Variants in LTB4R2 observed in about 807,000 individuals in gnomAD.
The protein encoded by LTB4R2 is leukotriene B4 receptor 2, also known as LTB4 receptor JULF2.
In LTB4R2, 6 loss-of-function variants were observed where a neutral mutation model predicts 5.3. The ratio of observed to expected loss-of-function variants is 1.14; its 90% CI spans 0.62 to 2.24. The LOEUF (loss-of-function observed/expected upper bound fraction) is 2.24, where lower values mean the gene tolerates loss of function less well. LTB4R2 is among the 30% of genes most tolerant of loss of function. LTB4R2 has a pLI of 0.00. For missense variants in LTB4R2, 560 were observed against 521.5 expected (o/e 1.07, Z -0.72); for synonymous variants, 310 against 264.2 (o/e 1.17, Z -1.68).
In LTB4R2 at chr14:24,311,659, A is replaced by G. The variant is rs143666989; in HGVS notation, c.995A>G (p.Gln332Arg). 1.7e-3 allele frequency: 2,803 copies of G among 1,612,696 alleles called. 21 individuals carry two copies. The highest frequency in any genetic ancestry group is 1.2e-3 in the Non-Finnish European group (1,421 of 1,179,270). The change falls in exon 2 of 2, where the codon CAG (glutamine) becomes CGG (arginine). Residue 332 changes from glutamine to arginine, a missense_variant. Coordinates refer to ENST00000533293, the MANE Select transcript of LTB4R2 (RefSeq NM_019839.5). ...ACCATGGAGCTCCGAACTACCCCTC[A>G]GCTGAAAGTGGTGGGGCAGGGCCGC... is the stretch of plus-strand genomic sequence containing the variant. ...EGTMELRTTP[Q>R]LKVVGQGRGN...
rs367937742 is a variant in LTB4R2 at position 24,311,238 on chromosome 14, C to T, written c.574C>T (p.Leu192Phe). Residue 192 changes from leucine to phenylalanine, a missense_variant, in exon 2 of 2, where the codon CTT (leucine) becomes TTT (phenylalanine). Transcript: ENST00000533293. ...CCTGGAGACTCTGACCGCTTTCGTG[C>T]TTCCTTTCGGGCTGATGCTCGGCTG... ...LSLETLTAFV[L>F]PFGLMLGCYS... 39 of 1,608,440 alleles carry T rather than the reference C, an allele frequency of 2.4e-5. No homozygotes were observed. Among genetic ancestry groups the T allele is most frequent in the Non-Finnish European group, 3.3e-5 (39 of 1,177,862 alleles).
In LTB4R2 at chr14:24,311,338, T is replaced by C. The variant is rs1485953234; in HGVS notation, c.674T>C (p.Leu225Pro). Residue 225 changes from leucine to proline, a missense_variant, in exon 2 of 2, where the codon CTG (leucine) becomes CCG (proline). Physicochemically the swap from Leu to Pro is moderately conservative, Grantham distance 98 (BLOSUM62 -3). Coordinates refer to ENST00000533293, the MANE Select transcript of LTB4R2 (RefSeq NM_019839.5). ...CGGCACGGGGCGCGGGTGGGCCGGC[T>C]GGTGAGCGCCATCGTGCTTGCCTTC... ...SGRHGARVGR[L>P]VSAIVLAFGL... 6 of 1,604,174 alleles carry C rather than the reference T, an allele frequency of 3.7e-6. No individual in the cohort carries two copies. The African/African-American group carries it at 8.0e-5, about 21-fold the overall frequency.
chr14:24,311,156 G>A lies in LTB4R2; in HGVS notation c.492G>A (p.Arg164=). The change falls in exon 2 of 2, where the codon AGG becomes AGA. Residue 164 remains arginine (R), a synonymous_variant. Transcript: ENST00000533293. Reference sequence around the variant, plus strand: ...CCGCCGTCTACCGCCACCTGTGGAGGGACCGCGTATGCCAGCTGTGCCACC... The same window carrying A: ...CCGCCGTCTACCGCCACCTGTGGAGAGACCGCGTATGCCAGCTGTGCCACC... The part of the protein sequence containing the change: ...VPAAVYRHLW[R]DRVCQLCHPS... 6.2e-7 allele frequency: 1 copy of A among 1,602,786 alleles called. No homozygotes were observed. Among genetic ancestry groups the A allele is most frequent in the Non-Finnish European group, 8.5e-7 (1 of 1,176,534 alleles).
Position 24,311,842 on chromosome 14 carries a change from T to G in LTB4R2, c.*101T>G. 9.0e-7 allele frequency: 1 copy of G among 1,110,686 alleles called. No homozygotes were observed. The allele number at this position is 1,110,686 out of a possible 1,614,324, so 68.8% of individuals were successfully genotyped here. A position where few individuals can be genotyped will look rare whatever the true frequency, so the allele number is the denominator to read the frequency against. On this transcript the variant is annotated 3_prime_UTR_variant, in exon 2 of 2. Coordinates refer to ENST00000533293, the MANE Select transcript of LTB4R2 (RefSeq NM_019839.5). ...GGACATTTGGGGACCCTTCTTTGAC[T>G]AGAGTTTGGATCTGGCTGGGTAGGA...
chr14:24,310,425 A>C (rs1473871933), intron 1 of LTB4R2, 170 bp downstream of exon 1: 2 of 658,484 alleles, frequency 3.0e-6, no homozygotes, highest in Non-Finnish European at 5.5e-6. Flanking sequence ...TCTGGGAAGG[A>C]GGCCAGGAGT....
In LTB4R2 at chr14:24,311,445, A is replaced by C. The variant is rs776083888; in HGVS notation, c.781A>C (p.Lys261Gln). The change falls in exon 2 of 2, where the codon AAG becomes CAG. Residue 261 changes from lysine to glutamine, a missense_variant. Physicochemically the swap from Lys to Gln is moderately conservative, Grantham distance 53. Transcript: ENST00000533293. ...ALAPPEGALA[K>Q]LGGAGQAARA... Reference sequence around the variant, plus strand: ...GGCTCCACCGGAAGGGGCCTTGGCGAAGCTGGGCGGAGCCGGCCAGGCGGC... The same window carrying C: ...GGCTCCACCGGAAGGGGCCTTGGCGCAGCTGGGCGGAGCCGGCCAGGCGGC... 31 of 1,601,174 alleles carry C rather than the reference A, an allele frequency of 1.9e-5. No homozygotes were observed. Among genetic ancestry groups the C allele is most frequent in the Non-Finnish European group, 8.5e-7 (1 of 1,179,844 alleles).
rs115630307 is a variant in LTB4R2 at position 24,310,727 on chromosome 14, C to T, written c.63C>T (p.Ala21=). The T allele has an allele frequency of 6.6e-4, 1,065 of 1,612,692 alleles. 5 individuals are homozygous for T. In the African/African-American group the frequency reaches 0.013, roughly 19 times the overall value. The change falls in exon 2 of 2, where the codon GCC becomes GCT. Residue 21 remains alanine (A), a synonymous_variant. Coordinates refer to ENST00000533293, the MANE Select transcript of LTB4R2 (RefSeq NM_019839.5). ...ETLLSWKTSR[A]TGTAFLLLAA... is the part of the protein sequence containing the mutation. ...TGCTGAGCTGGAAGACTTCGCGGGCCACAGGCACAGCCTTCCTGCTGCTGG... is the reference window on the plus strand; with the variant it reads ...TGCTGAGCTGGAAGACTTCGCGGGCTACAGGCACAGCCTTCCTGCTGCTGG...
At position 24,310,939 on chromosome 14, in the gene LTB4R2, C is replaced by A; in HGVS notation, c.275C>A (p.Ala92Glu). 1 of 1,590,980 alleles carries A rather than the reference C, an allele frequency of 6.3e-7. No individual in the cohort carries two copies. ...CGGCAGGCCTGGCCGCTGGGCCAGG[C>A]GGGCTGCAAGGCGGTGTACTACGTG... ...LTRQAWPLGQ[A>E]GCKAVYYVCA... Residue 92 changes from alanine (A) to glutamate (E), a missense_variant, in exon 2 of 2, where the codon GCG becomes GAG. Coordinates refer to ENST00000533293, the MANE Select transcript of LTB4R2 (RefSeq NM_019839.5).
rs2041719879 is a variant in LTB4R2 at position 24,312,029 on chromosome 14, G to A, written c.*288G>A. 1 of 413,972 alleles carries A rather than the reference G, an allele frequency of 2.4e-6. No homozygotes were observed. The highest frequency in any genetic ancestry group is 4.5e-6 in the Non-Finnish European group (1 of 223,768). The allele number at this position is 413,972 out of a possible 1,614,324, so 25.6% of individuals were successfully genotyped here. ...TAGCTGTTATTGTGAAATACACTGG[G>A]AAGCCATTAGATGATGACTTAAGTG... is the stretch of plus-strand genomic sequence containing the variant. On this transcript the variant is annotated 3_prime_UTR_variant, in exon 2 of 2. Transcript: ENST00000533293.
In LTB4R2 at chr14:24,311,538, G is replaced by T. The variant is rs764332206; in HGVS notation, c.874G>T (p.Ala292Ser). Residue 292 changes from alanine to serine, a missense_variant, in exon 2 of 2, where the codon GCT becomes TCT. Transcript: ENST00000533293. Reference sequence around the variant, plus strand: ...CAACCCGGTGCTCTACGTCTTCACCGCTGGAGATCTGCTGCCCCGGGCAGG... The same window carrying T: ...CAACCCGGTGCTCTACGTCTTCACCTCTGGAGATCTGCTGCCCCGGGCAGG... Reference protein sequence around the residue: ...SVNPVLYVFTAGDLLPRAGPR... With the variant: ...SVNPVLYVFTSGDLLPRAGPR... 2.5e-6 allele frequency: 4 copies of T among 1,605,752 alleles called. No homozygotes were observed. The highest frequency in any genetic ancestry group is 3.4e-6 in the Non-Finnish European group (4 of 1,180,002).
In LTB4R2 at chr14:24,310,982, C is replaced by T. The variant is rs1208752509; in HGVS notation, c.318C>T (p.Tyr106=). The part of the protein sequence containing the change: ...AVYYVCALSM[Y]ASVLLTGLLS... ...ACTACGTGTGCGCGCTCAGCATGTA[C>T]GCCAGCGTGCTGCTCACCGGCCTGC... The change falls in exon 2 of 2, where the codon TAC becomes TAT. Residue 106 remains tyrosine (Y), a synonymous_variant. Coordinates refer to ENST00000533293, the MANE Select transcript of LTB4R2 (RefSeq NM_019839.5). 3 of 1,590,306 alleles carry T rather than the reference C, an allele frequency of 1.9e-6. No individual in the cohort carries two copies. Among genetic ancestry groups the T allele is most frequent in the Non-Finnish European group, 2.5e-6 (3 of 1,176,552 alleles).
intron 1 of LTB4R2, 32 bp from the exon 2 acceptor site, chr14:24,310,623 C>A (rs1210367600): frequency 1.2e-6 from 2 of 1,604,580 alleles, no homozygotes; most frequent in East Asian, 2.2e-5. Context: ...CACCCCTGAA[C>A]GCCCTCTGTG....
Position 24,311,086 on chromosome 14 carries a change from T to C in LTB4R2, c.422T>C (p.Leu141Pro). The C allele has an allele frequency of 1.9e-6, 3 of 1,562,278 alleles. No individual in the cohort carries two copies. The African/African-American group carries it at 4.2e-5, about 22-fold the overall frequency. Residue 141 changes from leucine to proline, a missense_variant, in exon 2 of 2, where the codon CTG (leucine) becomes CCG (proline). Coordinates refer to ENST00000533293, the MANE Select transcript of LTB4R2 (RefSeq NM_019839.5). ...RLRSPALARR[L>P]LLAVWLAALL... Reference sequence around the variant, plus strand: ...CGCAGCCCGGCCCTGGCCCGCCGCCTGCTGCTGGCGGTCTGGCTGGCCGCC... The same window carrying C: ...CGCAGCCCGGCCCTGGCCCGCCGCCCGCTGCTGGCGGTCTGGCTGGCCGCC...
rs1043647943 is a variant in LTB4R2 at position 24,311,913 on chromosome 14, T to C, written c.*172T>C. On this transcript the variant is annotated 3_prime_UTR_variant, in exon 2 of 2. Coordinates refer to ENST00000533293, the MANE Select transcript of LTB4R2 (RefSeq NM_019839.5). ...GCCCAGGCTCCTCCAAACTGAGGGA[T>C]TATGAGGGTGGTGATGGTCCCTGTT... The C allele has an allele frequency of 1.6e-6, 1 of 638,688 alleles. No individual in the cohort carries two copies. The highest frequency in any genetic ancestry group is 2.7e-6 in the Non-Finnish European group (1 of 368,354). 39.6% of individuals were successfully genotyped at this position (638,688 alleles called of 1,614,324 possible). A position where few individuals can be genotyped will look rare whatever the true frequency, so the allele number is the denominator to read the frequency against.
chr14:24,311,467 CG>C lies in LTB4R2; in HGVS notation c.805del (p.Ala269ArgfsTer65). The C allele has an allele frequency of 6.2e-7, 1 of 1,601,232 alleles. No individual in the cohort carries two copies. The highest frequency in any genetic ancestry group is 8.5e-7 in the Non-Finnish European group (1 of 1,179,904). On this transcript the variant is annotated frameshift_variant, in exon 2 of 2. Transcript: ENST00000533293. LOFTEE classifies it high-confidence loss of function. Reference sequence around the variant, plus strand: ...GCGAAGCTGGGCGGAGCCGGCCAGGCGGCGCGAGCGGGAACTACGGCCTTGG... The same window carrying C: ...GCGAAGCTGGGCGGAGCCGGCCAGGCGCGCGAGCGGGAACTACGGCCTTGG... The part of the protein sequence containing the change: ...ALAKLGGAGQ[A>X]ARAGTTALAF...
At chr14:24,310,555 G>A in intron 1 of LTB4R2, 100 bp from the exon 2 acceptor site, 4 of 1,177,560 alleles carry the variant, frequency 3.4e-6, no homozygotes, top group Non-Finnish European at 5.1e-6. Flanking sequence ...CAGGCTGCAG[G>A]GAAGTAAGGA....
At position 24,310,243 on chromosome 14, in the gene LTB4R2, T is replaced by C; in HGVS notation, c.-23T>C. The stretch of plus-strand genomic sequence containing the variant: ...GCTTCTCCAGGCCCCCAATCCTGCT[T>C]GCTCCCAGCTTGGTAAGTAGATCTG... On this transcript the variant is annotated 5_prime_UTR_variant, in exon 1 of 2. Transcript: ENST00000533293. 1 of 494,864 alleles carries C rather than the reference T, an allele frequency of 2.0e-6. No individual in the cohort carries two copies. The highest frequency in any genetic ancestry group is 3.7e-5 in the East Asian group (1 of 27,230). 30.7% of individuals were successfully genotyped at this position (494,864 alleles called of 1,614,324 possible).
At position 24,311,853 on chromosome 14, in the gene LTB4R2, T is replaced by C; in HGVS notation, c.*112T>C. ...GACCCTTCTTTGACTAGAGTTTGGATCTGGCTGGGTAGGATTACTATACAC... is the reference window on the plus strand; with the variant it reads ...GACCCTTCTTTGACTAGAGTTTGGACCTGGCTGGGTAGGATTACTATACAC... On this transcript the variant is annotated 3_prime_UTR_variant, in exon 2 of 2. Coordinates refer to ENST00000533293, the MANE Select transcript of LTB4R2 (RefSeq NM_019839.5). The C allele has an allele frequency of 9.8e-7, 1 of 1,017,796 alleles. No homozygotes were observed. The allele number at this position is 1,017,796 out of a possible 1,614,324, so 63.0% of individuals were successfully genotyped here. A position where few individuals can be genotyped will look rare whatever the true frequency, so the allele number is the denominator to read the frequency against.
At position 24,311,356 on chromosome 14, in the gene LTB4R2, T is replaced by C; in HGVS notation, c.692T>C (p.Leu231Pro). Reference protein sequence around the residue: ...RVGRLVSAIVLAFGLLWAPYH... With the variant: ...RVGRLVSAIVPAFGLLWAPYH... ...GGCCGGCTGGTGAGCGCCATCGTGC[T>C]TGCCTTCGGCTTGCTCTGGGCCCCC... Residue 231 changes from leucine to proline, a missense_variant, in exon 2 of 2, where the codon CTT becomes CCT. Physicochemically the swap from Leu to Pro is moderately conservative, Grantham distance 98. Transcript: ENST00000533293. The C allele has an allele frequency of 6.2e-7, 1 of 1,605,494 alleles. No individual in the cohort carries two copies. The highest frequency in any genetic ancestry group is 8.5e-7 in the Non-Finnish European group (1 of 1,179,310).
Sources: gnomAD v4.1 joint callset for allele counts on GRCh38, gnomAD v4.1.1 for gene constraint, MANE v1.5 for transcripts, NCBI Gene and HGNC (gene_info 2026-07-23, HGNC 2026-07-21) for gene names.